SATB1: variants seen among roughly 807,000 people sequenced by gnomAD.
SATB1 encodes the protein DNA-binding protein SATB1.
In SATB1, 11 loss-of-function variants were observed where a neutral mutation model predicts 86.9. The observed-to-expected ratio is 0.13, with a 90% confidence interval of 0.08 to 0.21. The LOEUF (loss-of-function observed/expected upper bound fraction) is 0.21. Among genes scored for constraint, SATB1 ranks in the 10% least tolerant of loss-of-function variants. The pLI is 1.00. For synonymous variants in SATB1, 357 were observed against 357.2 expected, an observed-to-expected ratio of 1.00 and a Z score of 0.01; for missense variants, 551 against 937.6, an observed-to-expected ratio of 0.59 and a Z score of 5.39.
intron 9 of SATB1, among the ~76,000 whole-genome samples, chr3:18,367,627 C>T (rs1388383277): frequency 2.0e-5 from 3 of 152,126 alleles, no homozygotes; most frequent in African/African-American, 7.2e-5. Flanking sequence ...TTCTTGTAGT[C>T]TAACGATTAA....
At chr3:18,416,198 G>A (rs931428162) in intron 3 of SATB1, 65 bp from the exon 4 acceptor site, 2 of 1,352,774 alleles carry the variant, frequency 1.5e-6, no homozygotes, top group African/African-American at 1.5e-5. Flanking sequence ...CTACTAGAAG[G>A]GTGTTCTTTT....
chr3:18,385,180 T>C (rs939399155), intron 8 of SATB1, among the ~76,000 whole-genome samples: 1 of 152,220 alleles, frequency 6.6e-6, no homozygotes, highest in African/African-American at 2.4e-5. Flanking sequence ...CTTTCTACCA[T>C]TGATGAGAAT....
intron 5 of SATB1, among the ~76,000 whole-genome samples, chr3:18,410,085 C>G (rs1436469175): frequency 6.6e-6 from 1 of 151,992 alleles, no homozygotes; most frequent in East Asian, 1.9e-4. Flanking sequence ...CAAGTTATCC[C>G]AAAAGTCAGT....
intron 4 of SATB1, among the ~76,000 whole-genome samples, chr3:18,415,593 T>TA (rs540215604): frequency 1.3e-5 from 2 of 151,838 alleles, no homozygotes; most frequent in African/African-American, 2.4e-5. Context: ...TTAAAAATCA[T>TA]AAAAAAATAA....
intron 1 of SATB1, 162 bp from the exon 2 acceptor site, chr3:18,421,153 T>A (rs940602796): frequency 1.1e-4 from 61 of 580,934 alleles, no homozygotes; most frequent in Non-Finnish European, 1.5e-4. Flanking sequence ...TATTTCTAGA[T>A]GATAGCATTA....
intron 2 of SATB1, among the ~76,000 whole-genome samples, chr3:18,430,881 G>A (rs1207616184): frequency 3.9e-5 from 6 of 152,166 alleles, no homozygotes; most frequent in Admixed American, 3.3e-4. Context: ...TATAGTTGAG[G>A]GGGAAAAAAC....
At chr3:18,400,599 A>ACAG (rs1282393570) in intron 5 of SATB1, among the ~76,000 whole-genome samples, 1 of 152,230 alleles carries the variant, frequency 6.6e-6, no homozygotes, top group African/African-American at 2.4e-5. Context: ...TGACTTGAAG[A>ACAG]GACATATTAT....
intron 9 of SATB1, among the ~76,000 whole-genome samples, chr3:18,369,844 A>G (rs1435150207): frequency 3.9e-5 from 6 of 152,216 alleles, no homozygotes; most frequent in African/African-American, 1.4e-4. Flanking sequence ...AGCGTGTGTC[A>G]GAAACATGCA....
intron 9 of SATB1, among the ~76,000 whole-genome samples, chr3:18,360,361 G>C (rs1694848345): frequency 6.6e-6 from 1 of 152,094 alleles, no homozygotes; most frequent in Admixed American, 6.6e-5. Context: ...GGCTTCCCAA[G>C]GTAGGAGAAA....
At chr3:18,378,566 T>A (rs1189725053) in intron 8 of SATB1, among the ~76,000 whole-genome samples, 1 of 152,214 alleles carries the variant, frequency 6.6e-6, no homozygotes, top group East Asian at 1.9e-4. Flanking sequence ...CCAGGAATTA[T>A]AATGCCATAA....
At chr3:18,372,189 A>C (rs537838379) in intron 9 of SATB1, among the ~76,000 whole-genome samples, 23 of 152,352 alleles carry the variant, frequency 1.5e-4, no homozygotes, top group Non-Finnish European at 2.5e-4. Flanking sequence ...CCACTCTTGC[A>C]GTGAACTTCT....
At chr3:18,412,333 G>A (rs1697894364) in intron 5 of SATB1, among the ~76,000 whole-genome samples, 1 of 151,984 alleles carries the variant, frequency 6.6e-6, no homozygotes. Context: ...TGGAGGCAGG[G>A]CTTATTCAAC....
chr3:18,429,462 A>C (rs550954541), upstream of SATB1, among the ~76,000 whole-genome samples: 36 of 152,362 alleles, frequency 2.4e-4, 1 homozygote, highest in South Asian at 6.4e-3. This position sits in a 1 kb window ranked among gnomAD's most constrained non-coding sequence, Gnocchi z 4.1. Flanking sequence ...TACTTGTTCA[A>C]GTTCAGAAGT....
In SATB1 at chr3:18,349,095, A is replaced by G; in HGVS notation, c.*75T>C. 1 of 1,538,784 alleles carries G rather than the reference A, an allele frequency of 6.5e-7. No homozygotes were observed. The highest frequency in any genetic ancestry group is 8.7e-7 in the Non-Finnish European group (1 of 1,147,456). ...AACAATGAACAACAAAGGTTTTCTG[A>G]GAGAAGACAAGGTGGACTTTTCATT... On this transcript the variant is annotated 3_prime_UTR_variant, in exon 11 of 11. Transcript: ENST00000338745. This position sits in a 1 kb window ranked among gnomAD's most constrained non-coding sequence, Gnocchi z 5.5.
intron 8 of SATB1, among the ~76,000 whole-genome samples, chr3:18,381,169 G>A (rs1026332659): frequency 1.3e-5 from 2 of 152,064 alleles, no homozygotes; most frequent in African/African-American, 2.4e-5. Context: ...AAATTGTGCC[G>A]CAGGACACAC....
rs373536891 is a variant in SATB1 at position 18,362,881 on chromosome 3, A to AAAAAAAAAAAAAAC, written c.1576-10687_1576-10686insGTTTTTTTTTTTTT. Among the ~76,000 whole-genome samples, 49 of 108,206 alleles carry AAAAAAAAAAAAAAC rather than the reference A, an allele frequency of 4.5e-4. 4 individuals carry two copies. The highest frequency in any genetic ancestry group is 6.4e-4 in the Non-Finnish European group (34 of 53,482). The allele number at this position is 108,206 out of a possible 152,430, so 71.0% of individuals were successfully genotyped here. On this transcript the variant is annotated intron_variant, in intron 9 of 10. Transcript: ENST00000338745. ...TGTGCAAAAAAAAAAAAAAAAAAAA[A>AAAAAAAAAAAAAAC]CCAAAACCCCAAATAAATATAAGAA...
intron 2 of SATB1, 145 bp from the exon 3 acceptor site, chr3:18,417,223 G>C: frequency 1.4e-6 from 1 of 704,432 alleles, no homozygotes. Context: ...GTACAGTACA[G>C]GCAAATGCAC....
intron 6 of SATB1, among the ~76,000 whole-genome samples, chr3:18,395,527 T>G (rs1057186579): frequency 4.6e-5 from 7 of 152,178 alleles, no homozygotes; most frequent in Non-Finnish European, 8.8e-5. Flanking sequence ...TTGCTGAATA[T>G]CTTATATGCC....
chr3:18,436,542 A>C (rs1393077180), intron 2 of SATB1, among the ~76,000 whole-genome samples: 1 of 152,130 alleles, frequency 6.6e-6, no homozygotes, highest in Non-Finnish European at 1.5e-5. Context: ...AATTATCCAG[A>C]AAATGAGGCA....
Sources: allele counts gnomAD v4.1 joint callset (sites outside exome capture counted in the v4.1 genomes callset), GRCh38; gene constraint gnomAD v4.1.1; non-coding constraint Gnocchi (gnomAD v3.1); transcripts MANE v1.5; gene names NCBI Gene and HGNC (gene_info 2026-07-23, HGNC 2026-07-21).